AHR: variants seen among roughly 807,000 people sequenced by gnomAD.
AHR encodes AH-receptor.
AHR carries 40 observed loss-of-function variants against 86.8 expected under a neutral mutation model. That is an observed-to-expected ratio of 0.46 (90% CI 0.36 to 0.60). AHR has a LOEUF of 0.60. AHR is among the 20% of genes least tolerant of loss of function. AHR has a pLI of 0.00. For synonymous variants in AHR, 398 were observed against 354.9 expected, an observed-to-expected ratio of 1.12 and a Z score of -1.37; for missense variants, 1,001 against 1,011.6, an observed-to-expected ratio of 0.99 and a Z score of 0.14.
chr7:17,316,922 C>G (rs1434091552), intron 2 of AHR, among the ~76,000 whole-genome samples: 3 of 152,136 alleles, frequency 2.0e-5, no homozygotes, highest in South Asian at 4.1e-4. Flanking sequence ...TTTAACCTCA[C>G]TGTTCCACAG....
At chr7:17,309,278 GT>G (rs762802063) in intron 1 of AHR, among the ~76,000 whole-genome samples, 6 of 152,154 alleles carry the variant, frequency 3.9e-5, no homozygotes, top group Non-Finnish European at 7.3e-5. Flanking sequence ...AAAAGCAAAA[GT>G]TGCTGGTAAT....
chr7:17,325,838 T>C (rs143810451), intron 3 of AHR, among the ~76,000 whole-genome samples: 1 of 152,164 alleles, frequency 6.6e-6, no homozygotes, highest in Non-Finnish European at 1.5e-5. Flanking sequence ...GAAAAATAAC[T>C]GATAAGTACT....
intron 1 of AHR, among the ~76,000 whole-genome samples, chr7:17,300,363 C>T (rs1472826191): frequency 2.0e-5 from 3 of 152,168 alleles, no homozygotes; most frequent in Non-Finnish European, 4.4e-5. Flanking sequence ...TCTTAAACGT[C>T]TTCTCAGACC....
chr7:17,343,805 G>A lies in AHR; in HGVS notation c.*741G>A, dbSNP rs985091711. On this transcript the variant is annotated 3_prime_UTR_variant, in exon 11 of 11. Coordinates refer to ENST00000242057, the MANE Select transcript of AHR (RefSeq NM_001621.5). ...TTCAGGTAAAGGGCAAATAATGATCGAAAAAATAATTATTTATTACATAAT... is the reference window on the plus strand; with the variant it reads ...TTCAGGTAAAGGGCAAATAATGATCAAAAAAATAATTATTTATTACATAAT... 1.3e-5 allele frequency: 2 copies of A among 152,276 alleles called. No homozygotes were observed. Among genetic ancestry groups the A allele is most frequent in the Non-Finnish European group, 2.9e-5 (2 of 67,884 alleles). 9.4% of individuals were successfully genotyped at this position (152,276 alleles called of 1,614,324 possible). A position where few individuals can be genotyped will look rare whatever the true frequency, so the allele number is the denominator to read the frequency against.
intron 1 of AHR, among the ~76,000 whole-genome samples, chr7:17,306,352 A>G (rs189791920): frequency 3.9e-5 from 6 of 152,308 alleles, no homozygotes; most frequent in Non-Finnish European, 1.5e-5. Context: ...AAAATCAGTG[A>G]AAAAGTGGGT....
intron 7 of AHR, 24 bp downstream of exon 7, chr7:17,334,138 A>G (rs778210325): frequency 1.9e-6 from 3 of 1,565,762 alleles, no homozygotes; most frequent in Non-Finnish European, 2.6e-6. Flanking sequence ...TTTCACTTTT[A>G]TTTTATTGGA....
chr7:17,300,830 G>T (rs774881167), intron 1 of AHR, among the ~76,000 whole-genome samples: 97 of 152,024 alleles, frequency 6.4e-4, no homozygotes, highest in Non-Finnish European at 1.0e-3. Context: ...TATAATAGGG[G>T]TGTCATGGGT....
intron 3 of AHR, among the ~76,000 whole-genome samples, chr7:17,323,936 T>C (rs1032136189): frequency 6.6e-6 from 1 of 152,180 alleles, no homozygotes; most frequent in African/African-American, 2.4e-5. Flanking sequence ...AAGGGCCTAA[T>C]GAAATCCCGT....
chr7:17,322,546 A>G lies in AHR; in HGVS notation c.299A>G (p.Asn100Ser). 1.2e-6 allele frequency: 2 copies of G among 1,613,102 alleles called. No individual in the cohort carries two copies. The highest frequency in any genetic ancestry group is 1.7e-6 in the Non-Finnish European group (2 of 1,179,316). The part of the protein sequence containing the change: ...SPTERNGGQD[N>S]CRAANFREGL... ...ACTGAAAGAAACGGAGGCCAGGATA[A>G]CTGTAGAGCAGCAAATTTCAGAGAA... Residue 100 changes from asparagine to serine, a missense_variant, in exon 3 of 11, where the codon AAC becomes AGC. By Grantham distance (46) the Asn-to-Ser change is conservative. Around this residue, in one of 2 missense-constraint regions of AHR, gnomAD observed 394 missense variants for 468.5 expected, o/e 0.84. Transcript: ENST00000242057.
Position 17,308,007 on chromosome 7 carries a change from G to A in AHR, c.66-1929G>A, listed in dbSNP as rs147535271. Among the ~76,000 whole-genome samples the A allele has an allele frequency of 1.7e-4, 26 of 152,162 alleles. No homozygotes were observed. The East Asian group carries it at 4.4e-3, about 26-fold the overall frequency. On this transcript the variant is annotated intron_variant, in intron 1 of 10. Coordinates refer to ENST00000242057, the MANE Select transcript of AHR (RefSeq NM_001621.5). Reference sequence around the variant, plus strand: ...CCAGCATCACGTCTGTCACCCCTTAGTTTCTTACCTTGCTTTATTTTTCTT... The same window carrying A: ...CCAGCATCACGTCTGTCACCCCTTAATTTCTTACCTTGCTTTATTTTTCTT...
At position 17,325,996 on chromosome 7, in the gene AHR, G is replaced by A. The variant is rs141527945; in HGVS notation, c.361-1763G>A. Among the ~76,000 whole-genome samples, 362 of 152,204 alleles carry A rather than the reference G, an allele frequency of 2.4e-3. 1 individual carries two copies. Among genetic ancestry groups the A allele is most frequent in the African/African-American group, 8.5e-3 (351 of 41,520 alleles). On this transcript the variant is annotated intron_variant, in intron 3 of 10. Transcript: ENST00000242057. The stretch of plus-strand genomic sequence containing the variant: ...CAGAACCATGCACCAATTTGGGATC[G>A]ATAACACATAAAGGCAGCATATCAT...
At chr7:17,330,491 G>A (rs1782276080) in intron 5 of AHR, among the ~76,000 whole-genome samples, 1 of 151,776 alleles carries the variant, frequency 6.6e-6, no homozygotes, top group Non-Finnish European at 1.5e-5. Context: ...TTGTTAAAGT[G>A]TTAAGAAAAC....
At position 17,340,076 on chromosome 7, in the gene AHR, G is replaced by A. The variant is rs1194745841; in HGVS notation, c.2251G>A (p.Gly751Arg). 6.2e-7 allele frequency: 1 copy of A among 1,614,132 alleles called. No homozygotes were observed. Among genetic ancestry groups the A allele is most frequent in the Non-Finnish European group, 8.5e-7 (1 of 1,180,020 alleles). The change falls in exon 10 of 11, where the codon GGA becomes AGA. Residue 751 changes from glycine (G) to arginine (R), a missense_variant. By Grantham distance (125) the Gly-to-Arg change is moderately radical. Transcript: ENST00000242057. ...CLQLPENQKH[G>R]LNPQSAIITP... ...ACAACTTCCTGAAAACCAAAAGCATGGATTAAATCCACAGTCAGCCATAAT... is the reference window on the plus strand; with the variant it reads ...ACAACTTCCTGAAAACCAAAAGCATAGATTAAATCCACAGTCAGCCATAAT...
chr7:17,336,230 A>C (rs1167135240), intron 9 of AHR, among the ~76,000 whole-genome samples: 1 of 152,030 alleles, frequency 6.6e-6, no homozygotes. Context: ...GCTTGAGGTA[A>C]GGATTGATTC....
intron 2 of AHR, among the ~76,000 whole-genome samples, chr7:17,315,254 AG>A (rs1782103909): frequency 6.6e-6 from 1 of 151,996 alleles, no homozygotes; most frequent in South Asian, 2.1e-4. Flanking sequence ...TCTTTTCCTC[AG>A]ATATCCCAAT....
intron 6 of AHR, among the ~76,000 whole-genome samples, chr7:17,333,335 A>T (rs1336701651): frequency 6.6e-6 from 1 of 151,940 alleles, no homozygotes; most frequent in African/African-American, 2.4e-5. Flanking sequence ...AAGCAATTAA[A>T]TATATCATGT....
At chr7:17,322,463 T>A (rs758977052) in intron 2 of AHR, 38 bp from the exon 3 acceptor site, 1 of 1,385,814 alleles carries the variant, frequency 7.2e-7, no homozygotes, top group Non-Finnish European at 1.0e-6. Context: ...TTACTCTTGC[T>A]TACTTTTAAA....
In AHR at chr7:17,298,682, T is replaced by A. The variant is rs1239408979; in HGVS notation, c.-583T>A. The A allele has an allele frequency of 2.5e-6, 1 of 394,880 alleles. No homozygotes were observed. Among genetic ancestry groups the A allele is most frequent in the East Asian group, 3.6e-5 (1 of 27,864 alleles). 24.5% of individuals were successfully genotyped at this position (394,880 alleles called of 1,614,324 possible). On this transcript the variant is annotated 5_prime_UTR_variant, in exon 1 of 11. Coordinates refer to ENST00000242057, the MANE Select transcript of AHR (RefSeq NM_001621.5). ...CTGGGGAGTCCCGTCGACGCTCTGT[T>A]CCGAGAGCGTGCCCCGGACCGCCAG... is the stretch of plus-strand genomic sequence containing the variant.
chr7:17,301,677 C>G (rs1024888260), intron 1 of AHR, among the ~76,000 whole-genome samples: 4 of 151,792 alleles, frequency 2.6e-5, no homozygotes, highest in Admixed American at 1.3e-4. Flanking sequence ...ATCAACCCCC[C>G]CTAGTGGCGG....
Sources: allele counts gnomAD v4.1 joint callset (sites outside exome capture counted in the v4.1 genomes callset), GRCh38; gene constraint gnomAD v4.1.1; regional missense constraint gnomAD v4.1.1; transcripts MANE v1.5; gene names NCBI Gene and HGNC (gene_info 2026-07-23, HGNC 2026-07-21).